The following LMNTD1 variants were observed in gnomAD, a reference collection of about 807,000 sequenced individuals.
The protein encoded by LMNTD1 is lamin tail domain-containing protein 1.
LMNTD1 carries 35 observed loss-of-function variants against 50.9 expected under a neutral mutation model. The observed-to-expected ratio is 0.69, with a 90% confidence interval of 0.53 to 0.91. The LOEUF is 0.91. Among genes scored for constraint, LMNTD1 ranks in the 40% least tolerant of loss-of-function variants. LMNTD1 has a pLI of 0.00. For synonymous variants in LMNTD1, 153 were observed against 161.9 expected (o/e 0.94, Z 0.42); for missense variants, 470 against 475.5 (o/e 0.99, Z 0.11).
At chr12:25,534,581 G>A (rs377325853) in intron 4 of LMNTD1, among the ~76,000 whole-genome samples, 4 of 152,104 alleles carry the variant, frequency 2.6e-5, no homozygotes, top group Admixed American at 6.5e-5. Context: ...GAGCGCTGGC[G>A]ATTTTCAGAT....
At chr12:25,602,259 A>C (rs2340444) in intron 1 of LMNTD1, among the ~76,000 whole-genome samples, 43,756 of 151,514 alleles carry the variant, frequency 0.29, 8,043 homozygotes, top group East Asian at 0.86. Flanking sequence ...CTAAATTTTT[A>C]TTTTCTTTCT....
At chr12:25,553,346 A>C (rs775759962), upstream of LMNTD1, 56 of 969,612 alleles carry the variant, frequency 5.8e-5, no homozygotes, top group Admixed American at 3.5e-4. Context: ...ATAGTAACCA[A>C]GTTCCAGTTT....
chr12:25,589,837 A>G (rs1179191827), intron 1 of LMNTD1, among the ~76,000 whole-genome samples: 1 of 96,558 alleles, frequency 1.0e-5, no homozygotes, highest in East Asian at 3.0e-4. Context: ...ATCTCTTAGA[A>G]CCAGTTACTC....
At chr12:25,557,798 G>A (rs1234767368), upstream of LMNTD1, among the ~76,000 whole-genome samples, 2 of 152,156 alleles carry the variant, frequency 1.3e-5, no homozygotes, top group Non-Finnish European at 2.9e-5. Context: ...AGAGCAAATA[G>A]TTAATTTTGA....
intron 1 of LMNTD1, among the ~76,000 whole-genome samples, chr12:25,622,689 GTA>G (rs1410141139): frequency 5.9e-5 from 9 of 152,128 alleles, no homozygotes; most frequent in Non-Finnish European, 1.2e-4. Context: ...GACAGCAAAT[GTA>G]TAGTGTCCAA....
At chr12:25,553,019 C>A (rs371203920) in intron 1 of LMNTD1, 30 bp from the exon 2 acceptor site, 1 of 1,605,062 alleles carries the variant, frequency 6.2e-7, no homozygotes, top group East Asian at 2.2e-5. Context: ...CATCAGATGA[C>A]GAATATGGCT....
intron 1 of LMNTD1, among the ~76,000 whole-genome samples, chr12:25,604,562 T>C (rs907094446): frequency 2.6e-5 from 4 of 151,726 alleles, no homozygotes; most frequent in Non-Finnish European, 4.4e-5. Flanking sequence ...TGTGTTCTCA[T>C]TGTTCAATTC....
intron 5 of LMNTD1, among the ~76,000 whole-genome samples, 167 bp downstream of exon 5, chr12:25,526,602 T>C (rs763549868): frequency 1.3e-5 from 2 of 152,136 alleles, no homozygotes; most frequent in Non-Finnish European, 2.9e-5. Flanking sequence ...TTAATTAACA[T>C]CCAGAAGATG....
chr12:25,553,024 A>G (rs1246454875), intron 1 of LMNTD1, 35 bp from the exon 2 acceptor site: 4 of 1,605,354 alleles, frequency 2.5e-6, no homozygotes, highest in East Asian at 4.5e-5. Context: ...GATGACGAAT[A>G]TGGCTGAGGT....
chr12:25,619,244 CTCTCTCTCTATATA>C (rs1215684233), intron 1 of LMNTD1, among the ~76,000 whole-genome samples: 11 of 73,652 alleles, frequency 1.5e-4, no homozygotes, highest in South Asian at 9.2e-4. Flanking sequence ...CTCTCTCTCT[CTCTCTCTCTATATA>C]TATATATATA....
At chr12:25,562,234 T>C (rs1040914912) in intron 1 of LMNTD1, among the ~76,000 whole-genome samples, 2 of 152,244 alleles carry the variant, frequency 1.3e-5, no homozygotes, top group Non-Finnish European at 2.9e-5. Flanking sequence ...CTAGCATTGA[T>C]GGTCTTTACA....
intron 6 of LMNTD1, among the ~76,000 whole-genome samples, chr12:25,525,259 G>A (rs778711941): frequency 6.6e-6 from 1 of 151,984 alleles, no homozygotes; most frequent in African/African-American, 2.4e-5. Context: ...CAAATACTGC[G>A]AACAAATTAC....
chr12:25,506,728 A>G (rs1201250567), intron 8 of LMNTD1, among the ~76,000 whole-genome samples: 1 of 150,678 alleles, frequency 6.6e-6, no homozygotes, highest in Non-Finnish European at 1.5e-5. Flanking sequence ...ACTAGATTCT[A>G]TCAAAAAATT....
intron 1 of LMNTD1, among the ~76,000 whole-genome samples, chr12:25,583,719 C>T (rs1945405557): frequency 6.6e-6 from 1 of 152,068 alleles, no homozygotes; most frequent in Admixed American, 6.5e-5. Flanking sequence ...CCTAGTAAGG[C>T]TGGGAGAGGG....
intron 1 of LMNTD1, among the ~76,000 whole-genome samples, chr12:25,632,607 A>G (rs1399445603): frequency 6.6e-6 from 1 of 152,194 alleles, no homozygotes; most frequent in African/African-American, 2.4e-5. Flanking sequence ...GAGAGAATTC[A>G]CCACTACCAA....
chr12:25,628,788 A>G (rs1565527918), intron 1 of LMNTD1, among the ~76,000 whole-genome samples: 1 of 152,212 alleles, frequency 6.6e-6, no homozygotes, highest in Non-Finnish European at 1.5e-5. Context: ...GTATCACCAG[A>G]AGGAACCAGC....
At chr12:25,619,242 CTCTCTCTCTCTATA>C (rs1232380115) in intron 1 of LMNTD1, among the ~76,000 whole-genome samples, 21 of 70,956 alleles carry the variant, frequency 3.0e-4, no homozygotes, top group Non-Finnish European at 4.2e-4. Context: ...CTCTCTCTCT[CTCTCTCTCTCTATA>C]TATATATATA....
rs546883121 is a variant in LMNTD1, at chr12:25,508,488, T to C, written c.1190-4688A>G. Among the ~76,000 whole-genome samples, 59 of 152,310 alleles carry C rather than the reference T, an allele frequency of 3.9e-4. 1 individual carries two copies. In the South Asian group the frequency reaches 0.012, roughly 31 times the overall value. ...CATTCATTTTCATTGCCTATGGGAT[T>C]GTATGAACACAGTATAATTTATTTA... On this transcript the variant is annotated intron_variant, in intron 8 of 9. Coordinates refer to ENST00000458174, the MANE Select transcript of LMNTD1 (RefSeq NM_001145728.2).
chr12:25,519,452 G>T (rs535899012), intron 7 of LMNTD1, among the ~76,000 whole-genome samples: 2 of 151,750 alleles, frequency 1.3e-5, no homozygotes, highest in Non-Finnish European at 2.9e-5. Flanking sequence ...GCCGGGCGTG[G>T]TGGTGGGCGC....
Sources: allele counts gnomAD v4.1 joint callset (sites outside exome capture counted in the v4.1 genomes callset), GRCh38; gene constraint gnomAD v4.1.1; transcripts MANE v1.5; gene names NCBI Gene and HGNC (gene_info 2026-07-23, HGNC 2026-07-21).